Variants in KCNMB2 observed in about 807,000 individuals in gnomAD.
KCNMB2 encodes the protein calcium-activated potassium channel subunit beta-2.
In KCNMB2, 9 loss-of-function variants were observed where a neutral mutation model predicts 24.5. The observed-to-expected ratio is 0.37, with a 90% CI of 0.22 to 0.64. The LOEUF is 0.64. KCNMB2 is among the 30% of genes least tolerant of loss of function. KCNMB2 has a pLI of 0.63. For synonymous variants in KCNMB2, 109 were observed against 104.4 expected (o/e 1.04, Z -0.27); for missense variants, 226 against 284.3 (o/e 0.79, Z 1.47).
At chr3:178,627,142 A>T (rs1327443966) in intron 1 of KCNMB2, among the ~76,000 whole-genome samples, 1 of 152,092 alleles carries the variant, frequency 6.6e-6, no homozygotes, top group Non-Finnish European at 1.5e-5. Flanking sequence ...ATTGAGATTT[A>T]TTTTATTCTC....
At chr3:178,702,041 A>G (rs567612757) in intron 1 of KCNMB2, among the ~76,000 whole-genome samples, 4 of 152,284 alleles carry the variant, frequency 2.6e-5, no homozygotes, top group African/African-American at 9.6e-5. Context: ...GAAAATGTCC[A>G]TCAATGATAG....
chr3:178,720,574 T>G (rs1722767563), intron 1 of KCNMB2, among the ~76,000 whole-genome samples: 1 of 126,930 alleles, frequency 7.9e-6, no homozygotes, highest in South Asian at 2.7e-4. Flanking sequence ...CCACAATGGT[T>G]GAACTACTTT....
chr3:178,749,774 A>C (rs928256885), intron 1 of KCNMB2, among the ~76,000 whole-genome samples: 1 of 152,236 alleles, frequency 6.6e-6, no homozygotes, highest in Admixed American at 6.5e-5. Flanking sequence ...AGTGTTAGCA[A>C]GGGGTAAATG....
chr3:178,815,366 C>G (rs1714365098), intron 2 of KCNMB2, among the ~76,000 whole-genome samples: 1 of 152,114 alleles, frequency 6.6e-6, no homozygotes, highest in African/African-American at 2.4e-5. Context: ...AGTGATCCTC[C>G]TCCCACCTCA....
At chr3:178,663,203 A>C (rs1335860117) in intron 1 of KCNMB2, among the ~76,000 whole-genome samples, 1 of 152,092 alleles carries the variant, frequency 6.6e-6, no homozygotes, top group Non-Finnish European at 1.5e-5. Context: ...TCAGTGAATA[A>C]GCACTCTTTA....
chr3:178,675,096 T>C (rs1011790324), intron 1 of KCNMB2, among the ~76,000 whole-genome samples: 1 of 152,200 alleles, frequency 6.6e-6, no homozygotes, highest in Non-Finnish European at 1.5e-5. Context: ...ATCCAGCACA[T>C]GGTAGGGATT....
At chr3:178,552,573 T>TGATG (rs1715993037) in intron 1 of KCNMB2, among the ~76,000 whole-genome samples, 1 of 152,186 alleles carries the variant, frequency 6.6e-6, no homozygotes, top group Non-Finnish European at 1.5e-5. Context: ...CTCATTAATA[T>TGATG]GATGCATGGG....
At chr3:178,717,052 TAA>T (rs559096276) in intron 1 of KCNMB2, among the ~76,000 whole-genome samples, 45 of 135,188 alleles carry the variant, frequency 3.3e-4, no homozygotes, top group Admixed American at 6.7e-4. Flanking sequence ...TTCAGCAACT[TAA>T]AAAAAAAAAA....
intron 1 of KCNMB2, among the ~76,000 whole-genome samples, chr3:178,606,142 C>T (rs1218697731): frequency 6.6e-6 from 1 of 152,128 alleles, no homozygotes; most frequent in Non-Finnish European, 1.5e-5. Context: ...AGGACAGGAC[C>T]AATCTTATAG....
intron 1 of KCNMB2, among the ~76,000 whole-genome samples, chr3:178,564,346 T>C (rs577409908): frequency 6.6e-6 from 1 of 152,146 alleles, no homozygotes; most frequent in South Asian, 2.1e-4. Context: ...ATGATTAATA[T>C]ATAACAATAG....
chr3:178,811,052 C>T (rs879815719), intron 2 of KCNMB2, among the ~76,000 whole-genome samples: 6 of 151,778 alleles, frequency 4.0e-5, no homozygotes, highest in Non-Finnish European at 5.9e-5. Flanking sequence ...ACACCCGGCC[C>T]GATCCCTAAA....
chr3:178,699,237 T>G (rs1328471054), intron 1 of KCNMB2, among the ~76,000 whole-genome samples: 2 of 152,248 alleles, frequency 1.3e-5, no homozygotes, highest in Non-Finnish European at 2.9e-5. Context: ...GATCCATTGT[T>G]GTCTGCACAG....
chr3:178,606,923 AAGAC>A (rs1159318171), intron 1 of KCNMB2, among the ~76,000 whole-genome samples: 12 of 152,200 alleles, frequency 7.9e-5, no homozygotes, highest in Non-Finnish European at 1.3e-4. Flanking sequence ...ACACAGCAAA[AAGAC>A]AGCCATCTAT....
chr3:178,793,516 G>GGGA (rs879176068), intron 1 of KCNMB2, among the ~76,000 whole-genome samples: 1 of 151,812 alleles, frequency 6.6e-6, no homozygotes, highest in Non-Finnish European at 1.5e-5. Flanking sequence ...CTTCACCCTG[G>GGGA]GGGGGTGGGC....
intron 1 of KCNMB2, among the ~76,000 whole-genome samples, chr3:178,541,096 T>A (rs1415130285): frequency 6.6e-6 from 1 of 152,224 alleles, no homozygotes; most frequent in Non-Finnish European, 1.5e-5. Context: ...CATAACACTC[T>A]GTTGCTTTTT....
intron 1 of KCNMB2, among the ~76,000 whole-genome samples, chr3:178,691,105 G>GTTTTTTTTTTTTTTTTTTT (rs1310077931): frequency 9.1e-5 from 3 of 32,956 alleles, no homozygotes; most frequent in East Asian, 6.4e-4. Context: ...TCCCCATTAA[G>GTTTTTTTTTTTTTTTTTTT]TCTTTTTTTT....
At chr3:178,829,125 G>A in intron 4 of KCNMB2, among the ~76,000 whole-genome samples, 1 of 152,122 alleles carries the variant, frequency 6.6e-6, no homozygotes, top group East Asian at 1.9e-4. Flanking sequence ...GAAGGTGTCA[G>A]CAGAACCAAC....
At chr3:178,692,237 CTTTAA>C (rs1355152821) in intron 1 of KCNMB2, among the ~76,000 whole-genome samples, 10 of 152,088 alleles carry the variant, frequency 6.6e-5, no homozygotes, top group Non-Finnish European at 1.5e-5. Context: ...TACAGAAGCT[CTTTAA>C]TTTAATTAGA....
rs73045963 is a variant in KCNMB2 at position 178,685,645 on chromosome 3, C to A, written c.-67-121698C>A. Among the ~76,000 whole-genome samples the A allele has an allele frequency of 1.7e-3, 253 of 152,304 alleles. 1 individual carries two copies. The highest frequency in any genetic ancestry group is 5.8e-3 in the African/African-American group (242 of 41,570). ...CATCCTATTGCCTTGAAGGGCTATG[C>A]ACGTGGGAAGCTTTTTGTTAGGAAA... On this transcript the variant is annotated intron_variant, in intron 1 of 4. Transcript: ENST00000452583.
Sources: gnomAD v4.1 joint callset for allele counts (sites outside exome capture counted in the v4.1 genomes callset) on GRCh38, gnomAD v4.1.1 for gene constraint, MANE v1.5 for transcripts, NCBI Gene and HGNC (gene_info 2026-07-23, HGNC 2026-07-21) for gene names.